KCNIP4: variants seen among roughly 807,000 people sequenced by gnomAD.
The protein encoded by KCNIP4 is potassium voltage-gated channel interacting protein 4, also known as Kv channel-interacting protein 4.
KCNIP4 carries 12 observed loss-of-function variants against 34.0 expected under a neutral mutation model. That is an observed-to-expected ratio of 0.35 (90% CI 0.23 to 0.57). The LOEUF (loss-of-function observed/expected upper bound fraction) is 0.57. KCNIP4 is among the 20% of genes least tolerant of loss of function. The pLI, the probability that KCNIP4 is intolerant of heterozygous loss-of-function variation, is 0.83. For missense variants in KCNIP4, 238 were observed against 311.7 expected, an observed-to-expected ratio of 0.76 and a Z score of 1.78; for synonymous variants, 124 against 102.2, an observed-to-expected ratio of 1.21 and a Z score of -1.29.
chr4:20,992,509 G>T (rs953619055), intron 1 of KCNIP4, among the ~76,000 whole-genome samples: 2 of 152,092 alleles, frequency 1.3e-5, no homozygotes. Flanking sequence ...TATATGGAAA[G>T]AATATTTCAT....
At chr4:21,277,695 A>C (rs1291603117) in intron 1 of KCNIP4, among the ~76,000 whole-genome samples, 1 of 152,254 alleles carries the variant, frequency 6.6e-6, no homozygotes, top group Admixed American at 6.5e-5. Flanking sequence ...TATCTGACTA[A>C]CAGAATTTAC....
rs1744540052 is a variant in KCNIP4 at position 21,067,786 on chromosome 4, G to A, written c.62-185077C>T. 2.6e-5 allele frequency among the ~76,000 whole-genome samples: 4 copies of A among 152,186 alleles called. No individual in the cohort carries two copies. In the South Asian group the frequency reaches 8.3e-4, roughly 32 times the overall value. ...CACAGAGAGAGACCCTGTTTGTTTG[G>A]AGGGAATGTGGTTCTGAATCATTAT... On this transcript the variant is annotated intron_variant, in intron 1 of 8. Transcript: ENST00000382152.
At chr4:20,935,597 G>T (rs753526392) in intron 1 of KCNIP4, among the ~76,000 whole-genome samples, 1 of 152,206 alleles carries the variant, frequency 6.6e-6, no homozygotes, top group South Asian at 2.1e-4. Context: ...CTTCTAACAA[G>T]AATAATAGTA....
At chr4:21,476,419 C>A (rs2109820617) in intron 1 of KCNIP4, among the ~76,000 whole-genome samples, 1 of 152,164 alleles carries the variant, frequency 6.6e-6, no homozygotes. Flanking sequence ...AAAGATGGGG[C>A]CATAATCTCA....
intron 1 of KCNIP4, among the ~76,000 whole-genome samples, chr4:21,615,380 A>C (rs1744508794): frequency 8.7e-6 from 1 of 115,034 alleles, no homozygotes; most frequent in African/African-American, 3.2e-5. Context: ...CTCTACTAAA[A>C]ATACAAAAAA....
intron 1 of KCNIP4, among the ~76,000 whole-genome samples, chr4:21,427,625 T>C (rs1261801956): frequency 6.6e-6 from 1 of 152,196 alleles, no homozygotes; most frequent in East Asian, 1.9e-4. Context: ...TGGTGCTCAA[T>C]TATGAGGTTC....
intron 2 of KCNIP4, among the ~76,000 whole-genome samples, chr4:20,871,223 A>T (rs1009639342): frequency 2.6e-5 from 4 of 152,102 alleles, no homozygotes; most frequent in Non-Finnish European, 5.9e-5. Flanking sequence ...TCTCTCTCCC[A>T]TGGGCCTGAA....
chr4:21,077,703 A>T (rs931520303), intron 1 of KCNIP4, among the ~76,000 whole-genome samples: 1 of 152,142 alleles, frequency 6.6e-6, no homozygotes, highest in Admixed American at 6.6e-5. Flanking sequence ...CATATAATAA[A>T]TGTGCTTATT....
chr4:20,807,579 T>C (rs1438488198), intron 3 of KCNIP4, among the ~76,000 whole-genome samples: 2 of 152,144 alleles, frequency 1.3e-5, no homozygotes, highest in Non-Finnish European at 1.5e-5. Context: ...AGAAAAAGGC[T>C]GCTGATCCCT....
intron 1 of KCNIP4, among the ~76,000 whole-genome samples, chr4:21,601,628 A>G (rs780115643): frequency 6.6e-6 from 1 of 151,946 alleles, no homozygotes; most frequent in Non-Finnish European, 1.5e-5. Context: ...ATGGATGTTC[A>G]TATTCCATCC....
chr4:21,755,866 T>A (rs1039372633), intron 1 of KCNIP4, among the ~76,000 whole-genome samples: 2 of 152,226 alleles, frequency 1.3e-5, no homozygotes, highest in Non-Finnish European at 2.9e-5. Context: ...ATTTCTATAG[T>A]TGCTGATAGG....
chr4:21,746,305 A>G (rs1162525042), intron 1 of KCNIP4, among the ~76,000 whole-genome samples: 2 of 152,200 alleles, frequency 1.3e-5, no homozygotes, highest in Non-Finnish European at 2.9e-5. Context: ...TAAACAATTC[A>G]AAACAGAAAT....
intron 1 of KCNIP4, among the ~76,000 whole-genome samples, chr4:21,400,518 CTCTTCTCTTCTCTT>C (rs1560369196): frequency 9.9e-4 from 31 of 31,334 alleles, no homozygotes; most frequent in African/African-American, 4.1e-3. Flanking sequence ...CCTTCCTCTT[CTCTTCTCTTCTCTT>C]CTCTTCTCTT....
At chr4:21,220,529 G>T (rs1280548842) in intron 1 of KCNIP4, among the ~76,000 whole-genome samples, 2 of 152,000 alleles carry the variant, frequency 1.3e-5, no homozygotes, top group African/African-American at 2.4e-5. Flanking sequence ...TGCACGTTGT[G>T]CAAATGTACC....
chr4:21,866,162 T>C (rs1578088195), intron 1 of KCNIP4, among the ~76,000 whole-genome samples: 1 of 152,184 alleles, frequency 6.6e-6, no homozygotes, highest in African/African-American at 2.4e-5. Flanking sequence ...TTTTTCTAAA[T>C]GTTATAAAAA....
At chr4:20,839,389 T>C (rs144576086) in intron 3 of KCNIP4, among the ~76,000 whole-genome samples, 172 of 151,632 alleles carry the variant, frequency 1.1e-3, no homozygotes, top group African/African-American at 4.1e-3. Flanking sequence ...TCTATCTCTA[T>C]ATATCTATAC....
At chr4:21,554,933 T>C (rs1426394981) in intron 1 of KCNIP4, among the ~76,000 whole-genome samples, 5 of 152,322 alleles carry the variant, frequency 3.3e-5, no homozygotes, top group Admixed American at 3.3e-4. Flanking sequence ...TATTCAATTT[T>C]ATTTTGCCTG....
chr4:20,994,731 T>G (rs1229343576), intron 1 of KCNIP4, among the ~76,000 whole-genome samples: 1 of 152,160 alleles, frequency 6.6e-6, no homozygotes, highest in African/African-American at 2.4e-5. Context: ...GAGAAAGGCA[T>G]TCGCATGTTA....
intron 1 of KCNIP4, among the ~76,000 whole-genome samples, chr4:21,681,310 T>C (rs1261510728): frequency 6.6e-6 from 1 of 152,062 alleles, no homozygotes; most frequent in East Asian, 1.9e-4. Flanking sequence ...CCTCACTATG[T>C]TGATCAGGCT....
Sources: gnomAD v4.1 joint callset for allele counts (sites outside exome capture counted in the v4.1 genomes callset) on GRCh38, gnomAD v4.1.1 for gene constraint, MANE v1.5 for transcripts, NCBI Gene and HGNC (gene_info 2026-07-23, HGNC 2026-07-21) for gene names.